The following ETNK1 variants were observed in gnomAD, a reference collection of about 807,000 sequenced individuals.
The protein encoded by ETNK1 is putative protein product of Nbla10396.
In ETNK1, 8 loss-of-function variants were observed where a neutral mutation model predicts 45.1. That is an observed-to-expected ratio of 0.18 (90% CI 0.10 to 0.32). The LOEUF (loss-of-function observed/expected upper bound fraction) is 0.32. ETNK1 is among the 10% of genes least tolerant of loss of function. The pLI is 1.00. For missense variants in ETNK1, 302 were observed against 430.6 expected, an observed-to-expected ratio of 0.70 and a Z score of 2.64; for synonymous variants, 152 against 151.9, an observed-to-expected ratio of 1.00 and a Z score of -0.01.
intron 4 of ETNK1, among the ~76,000 whole-genome samples, chr12:22,662,228 C>A: frequency 6.7e-6 from 1 of 149,534 alleles, no homozygotes; most frequent in Non-Finnish European, 1.5e-5. Context: ...TCACCATGCC[C>A]GGCTAATTTT....
intron 2 of ETNK1, among the ~76,000 whole-genome samples, chr12:22,652,010 ATCT>A (rs1349802039): frequency 6.6e-6 from 1 of 151,958 alleles, no homozygotes; most frequent in Non-Finnish European, 1.5e-5. Flanking sequence ...TAAACAACAA[ATCT>A]TCTTTCCTTC....
chr12:22,672,096 G>A (rs571267583), intron 5 of ETNK1, among the ~76,000 whole-genome samples: 22 of 151,946 alleles, frequency 1.4e-4, no homozygotes, highest in African/African-American at 4.8e-4. Context: ...TTGTAAACTG[G>A]GGCTTTTGGA....
At chr12:22,645,228 G>A (rs895339933) in intron 2 of ETNK1, among the ~76,000 whole-genome samples, 2 of 151,696 alleles carry the variant, frequency 1.3e-5, no homozygotes, top group African/African-American at 4.8e-5. Context: ...AAAATTAATA[G>A]ATGCATAGAT....
chr12:22,644,153 T>C lies in ETNK1; in HGVS notation c.416+131T>C, dbSNP rs1178693524. The stretch of plus-strand genomic sequence containing the variant: ...TTAGAAACTTTCTTTAGCTAGGGTT[T>C]TTGTTTTTGTTCTTGTTTTCCCTAA... On this transcript the variant is annotated intron_variant, in intron 2 of 7. Transcript: ENST00000266517. 9.9e-6 allele frequency: 15 copies of C among 1,517,492 alleles called. No individual in the cohort carries two copies. In the East Asian group the frequency reaches 3.0e-4, roughly 30 times the overall value. 94.0% of individuals were successfully genotyped at this position (1,517,492 alleles called of 1,614,324 possible). A position where few individuals can be genotyped will look rare whatever the true frequency, so the allele number is the denominator to read the frequency against.
At chr12:22,659,398 G>T (rs537999552) in intron 3 of ETNK1, among the ~76,000 whole-genome samples, 43 of 152,198 alleles carry the variant, frequency 2.8e-4, no homozygotes, top group Admixed American at 1.4e-3. Flanking sequence ...GGAAGTAGGG[G>T]AACACCACTT....
chr12:22,656,164 A>G (rs764074286), intron 2 of ETNK1, among the ~76,000 whole-genome samples: 1 of 152,198 alleles, frequency 6.6e-6, no homozygotes, highest in Non-Finnish European at 1.5e-5. Context: ...TTCAGTTACT[A>G]TAAGCTGAGT....
intron 2 of ETNK1, among the ~76,000 whole-genome samples, chr12:22,652,275 A>G (rs141982849): frequency 6.6e-6 from 1 of 152,300 alleles, no homozygotes; most frequent in East Asian, 1.9e-4. Context: ...TACTTGGGCA[A>G]TAGTCACTTT....
intron 3 of ETNK1, among the ~76,000 whole-genome samples, chr12:22,660,641 G>A (rs998044566): frequency 2.0e-5 from 3 of 151,956 alleles, no homozygotes; most frequent in Non-Finnish European, 4.4e-5. Context: ...CTTGAAATAT[G>A]TATTTTTAAT....
intron 1 of ETNK1, among the ~76,000 whole-genome samples, chr12:22,642,651 A>G (rs1953754038): frequency 6.6e-6 from 1 of 152,022 alleles, no homozygotes; most frequent in African/African-American, 2.4e-5. Context: ...TCTAATTGAG[A>G]TAGAAATATT....
intron 5 of ETNK1, among the ~76,000 whole-genome samples, chr12:22,672,626 T>A (rs1164467845): frequency 6.6e-6 from 1 of 152,214 alleles, no homozygotes; most frequent in African/African-American, 2.4e-5. Context: ...TTCTAATGAT[T>A]TTGTGGACAA....
chr12:22,656,604 T>A, intron 2 of ETNK1: 1 of 985,382 alleles, frequency 1.0e-6, no homozygotes, highest in Non-Finnish European at 1.2e-6. Context: ...CATTTGCCTC[T>A]CTTCACACCT....
intron 1 of ETNK1, 137 bp downstream of exon 1, chr12:22,625,723 C>A: frequency 7.8e-7 from 1 of 1,277,538 alleles, no homozygotes; most frequent in Non-Finnish European, 1.1e-6. Context: ...GGAAGTGACC[C>A]TGTATTTCCC....
At chr12:22,631,371 C>T (rs1310756990) in intron 1 of ETNK1, among the ~76,000 whole-genome samples, 3 of 151,978 alleles carry the variant, frequency 2.0e-5, no homozygotes, top group Non-Finnish European at 4.4e-5. Context: ...GACGGGGTTT[C>T]TTCATGTTGG....
Position 22,690,518 on chromosome 12 carries a change from T to G in ETNK1, c.*5564T>G, listed in dbSNP as rs548323016. On this transcript the variant is annotated 3_prime_UTR_variant, in exon 8 of 8. Coordinates refer to ENST00000266517, the MANE Select transcript of ETNK1 (RefSeq NM_018638.5). ...AAACTTTTAATGAAGCTGTTTGTCT[T>G]TCAGTTCAAATATAAGTGATGTTTA... 3.3e-5 allele frequency: 5 copies of G among 152,700 alleles called. No individual in the cohort carries two copies. The South Asian group carries it at 1.0e-3, about 32-fold the overall frequency. 9.5% of individuals were successfully genotyped at this position (152,700 alleles called of 1,614,324 possible). A position where few individuals can be genotyped will look rare whatever the true frequency, so the allele number is the denominator to read the frequency against.
At chr12:22,641,302 C>T (rs1953733356) in intron 1 of ETNK1, among the ~76,000 whole-genome samples, 1 of 152,066 alleles carries the variant, frequency 6.6e-6, no homozygotes, top group African/African-American at 2.4e-5. Flanking sequence ...GCATCTTAAT[C>T]GTACCTAGAA....
chr12:22,657,479 A>G (rs150646809), intron 2 of ETNK1, among the ~76,000 whole-genome samples: 13 of 152,212 alleles, frequency 8.5e-5, no homozygotes, highest in African/African-American at 2.6e-4. Context: ...GTCATTAGGA[A>G]TATCACTTTA....
intron 3 of ETNK1, among the ~76,000 whole-genome samples, chr12:22,660,339 G>A (rs1953987347): frequency 6.6e-6 from 1 of 152,096 alleles, no homozygotes; most frequent in Non-Finnish European, 1.5e-5. Context: ...TGCTATTGAG[G>A]AATTAGTGGT....
intron 1 of ETNK1, among the ~76,000 whole-genome samples, chr12:22,630,423 A>C (rs747573727): frequency 8.5e-5 from 13 of 152,152 alleles, no homozygotes; most frequent in Non-Finnish European, 1.6e-4. Flanking sequence ...GTAGGACAGA[A>C]GGCTTCATAG....
At chr12:22,658,914 A>G (rs900958618) in intron 2 of ETNK1, 100 bp from the exon 3 acceptor site, 14 of 1,250,780 alleles carry the variant, frequency 1.1e-5, no homozygotes, top group Non-Finnish European at 1.5e-5. Context: ...CTACAAGAAG[A>G]TTCGGGAGAC....
Sources: gnomAD v4.1 joint callset for allele counts (sites outside exome capture counted in the v4.1 genomes callset) on GRCh38, gnomAD v4.1.1 for gene constraint, MANE v1.5 for transcripts, NCBI Gene and HGNC (gene_info 2026-07-23, HGNC 2026-07-21) for gene names.